The following B3GALT1 variants were observed in gnomAD, a reference collection of about 807,000 sequenced individuals.
B3GALT1 encodes the protein beta-1,3-galactosyltransferase 1, also known as UDP-Gal:betaGlcNAc beta 1,3-galactosyltransferase, polypeptide 1.
A neutral mutation model predicts 23.2 loss-of-function variants in B3GALT1; 10 were observed. The observed-to-expected ratio is 0.43, with a 90% CI of 0.27 to 0.73. The LOEUF (loss-of-function observed/expected upper bound fraction) is 0.73, where lower values mean the gene tolerates loss of function less well. Among genes scored for constraint, B3GALT1 ranks in the 30% least tolerant of loss-of-function variants. The pLI is 0.21. For missense variants in B3GALT1, 299 were observed against 405.4 expected (o/e 0.74, Z 2.25); for synonymous variants, 156 against 141.5 (o/e 1.10, Z -0.73).
intron 3 of B3GALT1, among the ~76,000 whole-genome samples, chr2:167,733,782 G>T (rs1409089679): frequency 6.6e-6 from 1 of 152,086 alleles, no homozygotes; most frequent in Non-Finnish European, 1.5e-5. Flanking sequence ...TTTGCCTTTG[G>T]CTCAGGTTTC....
chr2:167,657,345 G>A (rs910876820), intron 3 of B3GALT1, among the ~76,000 whole-genome samples: 4 of 151,986 alleles, frequency 2.6e-5, no homozygotes, highest in Non-Finnish European at 4.4e-5. Flanking sequence ...AAAAATAAAC[G>A]GCCCAGGAAA....
intron 1 of B3GALT1, among the ~76,000 whole-genome samples, chr2:167,367,486 T>C (rs529788373): frequency 6.6e-6 from 1 of 152,336 alleles, no homozygotes; most frequent in South Asian, 2.1e-4. Flanking sequence ...TATTACCTTG[T>C]AGAAATCAAT....
chr2:167,841,690 C>A (rs1574295937), intron 4 of B3GALT1, among the ~76,000 whole-genome samples: 1 of 152,112 alleles, frequency 6.6e-6, no homozygotes, highest in African/African-American at 2.4e-5. Context: ...TTTGTTTTTT[C>A]TTTTAGCCAG....
At chr2:167,328,854 C>G (rs907137710) in intron 1 of B3GALT1, among the ~76,000 whole-genome samples, 1 of 151,912 alleles carries the variant, frequency 6.6e-6, no homozygotes, top group Non-Finnish European at 1.5e-5. Flanking sequence ...CACTTGTCAC[C>G]CAGGCTGAAG....
At chr2:167,485,812 A>T (rs2105338872) in intron 1 of B3GALT1, among the ~76,000 whole-genome samples, 1 of 152,340 alleles carries the variant, frequency 6.6e-6, no homozygotes, top group South Asian at 2.1e-4. Context: ...CAAAATGTTC[A>T]GTGCCATTAG....
intron 2 of B3GALT1, among the ~76,000 whole-genome samples, chr2:167,570,952 G>A (rs369106723): frequency 2.6e-5 from 4 of 151,780 alleles, no homozygotes; most frequent in African/African-American, 9.7e-5. Flanking sequence ...ATTTAGTTTC[G>A]CAAGTATAGA....
chr2:167,309,112 A>C (rs966839801), intron 1 of B3GALT1, among the ~76,000 whole-genome samples: 1 of 152,074 alleles, frequency 6.6e-6, no homozygotes, highest in African/African-American at 2.4e-5. Flanking sequence ...TTATGTCAAG[A>C]AATTGACTTG....
intron 1 of B3GALT1, among the ~76,000 whole-genome samples, chr2:167,420,999 T>A (rs552453704): frequency 4.0e-4 from 61 of 152,352 alleles, no homozygotes; most frequent in African/African-American, 1.3e-3. Context: ...TATTTGCTAA[T>A]GTGAAAATGA....
chr2:167,819,057 C>A (rs1225961050), intron 4 of B3GALT1, among the ~76,000 whole-genome samples: 2 of 151,898 alleles, frequency 1.3e-5, no homozygotes, highest in Admixed American at 1.3e-4. Context: ...CAGGAAAAAG[C>A]CTTTATTCTG....
rs114662272 is a variant in B3GALT1 at position 167,597,469 on chromosome 2, T to C, written c.-409-49440T>C. Among the ~76,000 whole-genome samples, 379 of 152,290 alleles carry C rather than the reference T, an allele frequency of 2.5e-3. 1 individual carries two copies. The highest frequency in any genetic ancestry group is 8.7e-3 in the African/African-American group (361 of 41,546). On this transcript the variant is annotated intron_variant, in intron 2 of 4. Transcript: ENST00000392690. ...ATCCTTCTAGTTCTCTAATACTCCA[T>C]TGGTATAGCTACCATTCAGGGGCAG...
intron 1 of B3GALT1, among the ~76,000 whole-genome samples, chr2:167,416,339 T>C (rs1316201978): frequency 6.6e-6 from 1 of 152,166 alleles, no homozygotes; most frequent in African/African-American, 2.4e-5. Context: ...ACTGAGCAGC[T>C]CACTGCTTAA....
intron 1 of B3GALT1, among the ~76,000 whole-genome samples, chr2:167,472,670 G>A (rs1369873395): frequency 6.6e-6 from 1 of 152,100 alleles, no homozygotes; most frequent in South Asian, 2.1e-4. Flanking sequence ...TTCTCTGAAT[G>A]TTCCGTGCTC....
chr2:167,305,483 G>T (rs897547927), intron 1 of B3GALT1, among the ~76,000 whole-genome samples: 3 of 152,110 alleles, frequency 2.0e-5, no homozygotes, highest in African/African-American at 7.2e-5. Context: ...ACGTGTACAA[G>T]AAACTAAAGG....
chr2:167,316,958 G>A (rs987448674), intron 1 of B3GALT1, among the ~76,000 whole-genome samples: 1 of 151,992 alleles, frequency 6.6e-6, no homozygotes, highest in African/African-American at 2.4e-5. Context: ...GGATAAACTG[G>A]TTTTGTTTTG....
At chr2:167,567,369 A>T (rs988407399) in intron 2 of B3GALT1, among the ~76,000 whole-genome samples, 27 of 152,170 alleles carry the variant, frequency 1.8e-4, no homozygotes, top group Non-Finnish European at 3.7e-4. Context: ...ATTTTTATTT[A>T]GTTTTGATAA....
At chr2:167,632,299 G>A (rs925234574) in intron 2 of B3GALT1, among the ~76,000 whole-genome samples, 1 of 152,028 alleles carries the variant, frequency 6.6e-6, no homozygotes, top group Non-Finnish European at 1.5e-5. Context: ...TAATCCTTCA[G>A]GTATATACCC....
chr2:167,425,013 C>T (rs1237731821), intron 1 of B3GALT1, among the ~76,000 whole-genome samples: 1 of 152,204 alleles, frequency 6.6e-6, no homozygotes, highest in African/African-American at 2.4e-5. Context: ...TTTGTTTACT[C>T]CTGCAAGCTA....
At chr2:167,512,650 A>ATTT (rs1351913159) in intron 2 of B3GALT1, among the ~76,000 whole-genome samples, 3 of 119,628 alleles carry the variant, frequency 2.5e-5, no homozygotes, top group East Asian at 2.9e-4. Flanking sequence ...ATATATATAT[A>ATTT]TTTTGAGATA....
At chr2:167,568,356 G>A (rs1684216381) in intron 2 of B3GALT1, among the ~76,000 whole-genome samples, 1 of 152,040 alleles carries the variant, frequency 6.6e-6, no homozygotes. Context: ...ATTCCCAGTA[G>A]CAATGAATGA....
Sources: gnomAD v4.1 joint callset for allele counts (sites outside exome capture counted in the v4.1 genomes callset) on GRCh38, gnomAD v4.1.1 for gene constraint, MANE v1.5 for transcripts, NCBI Gene and HGNC (gene_info 2026-07-23, HGNC 2026-07-21) for gene names.